The following RIF1 variants were observed in gnomAD, a reference collection of about 807,000 sequenced individuals.
RIF1 encodes the protein telomere-associated protein RIF1.
RIF1 carries 45 observed loss-of-function variants against 247.1 expected under a neutral mutation model. That is an observed-to-expected ratio of 0.18 (90% CI 0.14 to 0.23). The LOEUF (loss-of-function observed/expected upper bound fraction) is 0.23. Among genes scored for constraint, RIF1 ranks in the 10% least tolerant of loss-of-function variants. The pLI is 1.00. For missense variants in RIF1, 2,967 were observed against 2,862.5 expected (o/e 1.04, Z -0.83); for synonymous variants, 1,087 against 978.8 (o/e 1.11, Z -2.06).
chr2:151,420,081 C>G (rs1407612599), intron 6 of RIF1, 109 bp from the exon 7 acceptor site: 1 of 871,800 alleles, frequency 1.1e-6, no homozygotes, highest in African/African-American at 1.7e-5. Flanking sequence ...TGTATATATT[C>G]TAAAACAAAT....
In RIF1 at chr2:151,493,767, T is replaced by TA. The variant is rs750437206; in HGVS notation, c.*416-1458dup. The TA allele has an allele frequency of 5.2e-6, 8 of 1,536,868 alleles. No individual in the cohort carries two copies. Among genetic ancestry groups the TA allele is most frequent in the Non-Finnish European group, 7.1e-6 (8 of 1,127,342 alleles). On this transcript the variant is annotated intron_variant and NMD_transcript_variant, in intron 9 of 13. Transcript: ENST00000454583. ...ATTTTAAGGATTTATTTTTCCTTTC[T>TA]AAAATACCGAGCTAAAGTTTTCTTG...
rs1262670247 is a variant in RIF1 at position 151,476,360 on chromosome 2, C to A, written c.*1289C>A. 4 of 152,134 alleles carry A rather than the reference C, an allele frequency of 2.6e-5. No individual in the cohort carries two copies. The East Asian group carries it at 7.7e-4, about 29-fold the overall frequency. 9.4% of individuals were successfully genotyped at this position (152,134 alleles called of 1,614,324 possible). On this transcript the variant is annotated 3_prime_UTR_variant, in exon 36 of 36. Transcript: ENST00000444746. The stretch of plus-strand genomic sequence containing the variant: ...TTAAAACCTTTGTAAAATTTGCCAA[C>A]TAATATTAGTGCCTGACTTCCCATA...
intron 21 of RIF1, among the ~76,000 whole-genome samples, chr2:151,452,385 G>C (rs1272625543): frequency 6.6e-6 from 1 of 152,168 alleles, no homozygotes; most frequent in Non-Finnish European, 1.5e-5. Flanking sequence ...GTGATAATCT[G>C]TCATTAATGA....
chr2:151,533,306 G>T, the RIF1 span: 1 of 620,958 alleles, frequency 1.6e-6, no homozygotes, highest in Non-Finnish European at 2.8e-6. Flanking sequence ...CATTTACAAG[G>T]AATGAATATT....
At chr2:151,424,551 C>G (rs949796288) in intron 8 of RIF1, among the ~76,000 whole-genome samples, 2 of 152,136 alleles carry the variant, frequency 1.3e-5, no homozygotes, top group African/African-American at 4.8e-5. Flanking sequence ...AATAATGTTG[C>G]TGTAAACACC....
intron 9 of RIF1, among the ~76,000 whole-genome samples, chr2:151,429,664 A>G (rs915317253): frequency 6.6e-6 from 1 of 152,250 alleles, no homozygotes; most frequent in African/African-American, 2.4e-5. Context: ...GAATAAAAAT[A>G]TCAGTGATCG....
chr2:151,436,980 A>C lies in RIF1; in HGVS notation c.1349A>C (p.Gln450Pro). The change falls in exon 12 of 36, where the codon CAA (glutamine) becomes CCA (proline). Residue 450 changes from glutamine (Q) to proline (P), a missense_variant. Coordinates refer to ENST00000444746, the MANE Select transcript of RIF1 (RefSeq NM_018151.5). The part of the protein sequence containing the change: ...LGPEALSFAK[Q>P]NKLVLSLEPL... The stretch of plus-strand genomic sequence containing the variant: ...CCAGAAGCCTTGAGTTTTGCTAAGC[A>C]AAATAAACTTGTGCTGAGCTTAGGT... 1 of 1,612,830 alleles carries C rather than the reference A, an allele frequency of 6.2e-7. No homozygotes were observed. Among genetic ancestry groups the C allele is most frequent in the Non-Finnish European group, 8.5e-7 (1 of 1,179,692 alleles).
chr2:151,490,314 G>A (rs2055303559), intron 9 of RIF1: 2 of 1,552,400 alleles, frequency 1.3e-6, no homozygotes, highest in African/African-American at 1.4e-5. Flanking sequence ...ATCTCTTATA[G>A]TAACCATCAA....
At chr2:151,484,053 C>G (rs1559048974), downstream of RIF1, among the ~76,000 whole-genome samples, 2 of 152,110 alleles carry the variant, frequency 1.3e-5, no homozygotes, top group Admixed American at 1.3e-4. Context: ...TGTTTAAGGA[C>G]TAATCACAAG....
chr2:151,499,986 A>T (rs1355049038), intron 11 of RIF1, among the ~76,000 whole-genome samples: 21 of 152,224 alleles, frequency 1.4e-4, no homozygotes, highest in Admixed American at 1.4e-3. Flanking sequence ...CAGGATCATT[A>T]AGGTTTCAAA....
rs1695501675 is a variant in RIF1 at position 151,458,111 on chromosome 2, A to T, written c.2855+148A>T. 2.6e-5 allele frequency: 15 copies of T among 566,158 alleles called. No individual in the cohort carries two copies. The South Asian group carries it at 3.9e-4, about 15-fold the overall frequency. The allele number at this position is 566,158 out of a possible 1,614,324, so 35.1% of individuals were successfully genotyped here. ...TTACCATTTGGAATACATGATAATT[A>T]TTAAACATTATTTCACCTTTTCATT... On this transcript the variant is annotated intron_variant, in intron 24 of 35. Coordinates refer to ENST00000444746, the MANE Select transcript of RIF1 (RefSeq NM_018151.5).
Position 151,498,243 on chromosome 2 carries a change from C to T in RIF1, c.*514-1102C>T. ...CTGAAGTTAAGTGGCATTTTTTCCC[C>T]TTTCTTTCCAAAATACCGAGCTAAG... On this transcript the variant is annotated intron_variant and NMD_transcript_variant, in intron 10 of 13. Transcript: ENST00000454583. The T allele has an allele frequency of 6.4e-7, 1 of 1,550,710 alleles. No homozygotes were observed. Among genetic ancestry groups the T allele is most frequent in the South Asian group, 1.2e-5 (1 of 84,020 alleles).
At chr2:151,502,699 T>G (rs989666973) in intron 11 of RIF1, 9 of 750,488 alleles carry the variant, frequency 1.2e-5, no homozygotes, top group Admixed American at 2.3e-5. Flanking sequence ...ATCATTATTT[T>G]CATTATATGA....
chr2:151,497,709 T>C (rs1261648216), intron 10 of RIF1: 13 of 1,577,460 alleles, frequency 8.2e-6, no homozygotes, highest in Non-Finnish European at 1.1e-5. Context: ...ATGTTTTCTT[T>C]GTATAACACC....
At chr2:151,483,195 A>G (rs1179982962), downstream of RIF1, 1 of 152,044 alleles carries the variant, frequency 6.6e-6, no homozygotes, top group African/African-American at 2.4e-5. Context: ...TCTCCCTTTT[A>G]TAGTTTCTTG....
At chr2:151,498,909 A>C (rs2062307412) in intron 10 of RIF1, among the ~76,000 whole-genome samples, 1 of 151,416 alleles carries the variant, frequency 6.6e-6, no homozygotes, top group African/African-American at 2.4e-5. Flanking sequence ...AGAAACTTCA[A>C]AATATCTGTA....
Position 151,462,996 on chromosome 2 carries a change from A to G in RIF1, c.3476A>G (p.Asp1159Gly). The change falls in exon 30 of 36, where the codon GAC (aspartate) becomes GGC (glycine). Residue 1159 changes from aspartate to glycine, a missense_variant. This residue lies in a region of RIF1 where 2,028 missense variants were observed against 1,825.6 expected (regional missense o/e 1.11). Transcript: ENST00000444746. ...TCGAATAATGAGTGTGGTTCTCTTG[A>G]CAAAACCAGTCCAGAAATGTCAAAC... Reference protein sequence around the residue: ...SLSNNECGSLDKTSPEMSNSN... With the variant: ...SLSNNECGSLGKTSPEMSNSN... The G allele has an allele frequency of 6.2e-7, 1 of 1,614,056 alleles. No individual in the cohort carries two copies. The highest frequency in any genetic ancestry group is 1.3e-5 in the African/African-American group (1 of 75,036).
chr2:151,508,601 C>G (rs189056008), downstream of RIF1, among the ~76,000 whole-genome samples: 1 of 152,326 alleles, frequency 6.6e-6, no homozygotes, highest in East Asian at 1.9e-4. Context: ...GCGGTCAGGG[C>G]TCCCAGCTAT....
rs1334074651 is a variant in RIF1 at position 151,465,230 on chromosome 2, T to C, written c.5710T>C (p.Cys1904Arg). 1.3e-5 allele frequency: 21 copies of C among 1,610,666 alleles called. No individual in the cohort carries two copies. The highest frequency in any genetic ancestry group is 1.7e-5 in the Admixed American group (1 of 59,180). Reference protein sequence around the residue: ...LENVTVEGNACKVTESNLEKA... With the variant: ...LENVTVEGNARKVTESNLEKA... The stretch of plus-strand genomic sequence containing the variant: ...GAATGTTACTGTTGAAGGAAATGCA[T>C]GTAAAGTAACAGAATCCAATCTAGA... The change falls in exon 30 of 36, where the codon TGT (cysteine) becomes CGT (arginine). Residue 1904 changes from cysteine (C) to arginine (R), a missense_variant. Around this residue, in one of 7 missense-constraint regions of RIF1, gnomAD observed 2,028 missense variants for 1,825.6 expected, o/e 1.11. Transcript: ENST00000444746.
Sources: allele counts gnomAD v4.1 joint callset (sites outside exome capture counted in the v4.1 genomes callset), GRCh38; gene constraint gnomAD v4.1.1; regional missense constraint gnomAD v4.1.1; transcripts MANE v1.5; gene names NCBI Gene and HGNC (gene_info 2026-07-23, HGNC 2026-07-21).